ATRX: variants seen among roughly 807,000 people sequenced by gnomAD.
ATRX encodes the protein chromatin remodeler ATRX.
A neutral mutation model predicts 172.6 loss-of-function variants in ATRX; 12 were observed. That is an observed-to-expected ratio of 0.07 (90% CI 0.04 to 0.11). The LOEUF (loss-of-function observed/expected upper bound fraction) is 0.11. ATRX is among the 10% of genes least tolerant of loss of function. The pLI, the probability that ATRX is intolerant of heterozygous loss-of-function variation, is 1.00. For missense variants in ATRX, 1,368 were observed against 1,767.4 expected (o/e 0.77, Z 4.05); for synonymous variants, 674 against 594.7 (o/e 1.13, Z -1.94).
intron 26 of ATRX, among the ~76,000 whole-genome samples, chrX:77,593,392 C>T (rs782607570): frequency 9.0e-6 from 1 of 111,034 alleles, no homozygotes; most frequent in Non-Finnish European, 1.9e-5. Context: ...ACTACATAAA[C>T]CGAAAAATGA....
intron 1 of ATRX, among the ~76,000 whole-genome samples, chrX:77,722,156 C>A (rs946757350): frequency 9.0e-6 from 1 of 111,402 alleles, no homozygotes; most frequent in East Asian, 2.8e-4. Flanking sequence ...CTTCCTTACA[C>A]ATTATATAAA....
At chrX:77,713,356 G>A (rs782814994) in intron 2 of ATRX, among the ~76,000 whole-genome samples, 1 of 110,988 alleles carries the variant, frequency 9.0e-6, no homozygotes, top group Non-Finnish European at 1.9e-5. Flanking sequence ...CATCTTGGTG[G>A]CAATGAGCAC....
Position 77,643,332 on chromosome X carries a change from G to T in ATRX, c.4558-7276C>A, listed in dbSNP as rs552971128. Among the ~76,000 whole-genome samples the T allele has an allele frequency of 2.5e-4, 27 of 109,910 alleles. No homozygotes were observed. In the South Asian group the frequency reaches 9.6e-3, roughly 39 times the overall value. ...AGGCCTGGGGCAAGGCATTACAGGG[G>T]AACACTCCCAAAACACCACCTAAGG... On this transcript the variant is annotated intron_variant, in intron 15 of 34. Transcript: ENST00000373344.
chrX:77,665,962 A>T (rs186222671), intron 10 of ATRX, among the ~76,000 whole-genome samples: 69 of 111,696 alleles, frequency 6.2e-4, no homozygotes, highest in Non-Finnish European at 1.2e-3. Flanking sequence ...CATTTCAATG[A>T]AGAATTCATT....
intron 1 of ATRX, among the ~76,000 whole-genome samples, chrX:77,746,894 G>A (rs1333775916): frequency 3.6e-5 from 4 of 110,795 alleles, no homozygotes; most frequent in South Asian, 3.9e-4. Context: ...TCCACCTCCC[G>A]GGTTCAAGCA....
rs990635071 is a variant in ATRX at position 77,773,952 on chromosome X, G to C, written c.20+12030C>G. ...AAAAATGGAGAAGAGGCCGGGCGCA[G>C]TGGCTCACATCTGTAATCCCAGCAC... On this transcript the variant is annotated intron_variant, in intron 1 of 34. Coordinates refer to ENST00000373344, the MANE Select transcript of ATRX (RefSeq NM_000489.6). Among the ~76,000 whole-genome samples the C allele has an allele frequency of 1.2e-4, 13 of 111,226 alleles. No individual in the cohort carries two copies. The East Asian group carries it at 3.4e-3, about 29-fold the overall frequency.
chrX:77,634,997 C>T (rs937630296), intron 16 of ATRX, among the ~76,000 whole-genome samples: 1 of 111,897 alleles, frequency 8.9e-6, no homozygotes, highest in African/African-American at 3.2e-5. Flanking sequence ...AAAAGAGAAA[C>T]GTGGCCGGGC....
At chrX:77,627,969 T>C in intron 19 of ATRX, among the ~76,000 whole-genome samples, 1 of 111,462 alleles carries the variant, frequency 9.0e-6, no homozygotes. Flanking sequence ...CATATATATA[T>C]CAGATAGGAG....
chrX:77,523,470 C>T lies in ATRX; in HGVS notation c.6700-69G>A, dbSNP rs782423509. ...TGGACAGTATAATATCTCCATAGTT[C>T]TATGGTCAACTGTACTAGAAACTAA... On this transcript the variant is annotated intron_variant, in intron 30 of 34. Coordinates refer to ENST00000373344, the MANE Select transcript of ATRX (RefSeq NM_000489.6). 2.7e-5 allele frequency: 28 copies of T among 1,038,641 alleles called. No individual in the cohort carries two copies. In the Admixed American group the frequency reaches 3.2e-4, roughly 12 times the overall value. 85.6% of individuals were successfully genotyped at this position (1,038,641 alleles called of 1,213,427 possible). A position where few individuals can be genotyped will look rare whatever the true frequency, so the allele number is the denominator to read the frequency against.
At chrX:77,699,156 T>C (rs1474429513) in intron 2 of ATRX, among the ~76,000 whole-genome samples, 1 of 110,179 alleles carries the variant, frequency 9.1e-6, no homozygotes, top group Non-Finnish European at 1.9e-5. Flanking sequence ...TTTTTAGAGA[T>C]AGGGTCTCAC....
chrX:77,773,260 T>C (rs1310841427), intron 1 of ATRX, among the ~76,000 whole-genome samples: 1 of 110,638 alleles, frequency 9.0e-6, no homozygotes, highest in African/African-American at 3.3e-5. Flanking sequence ...TTTAGCTATA[T>C]GTTCAGAATA....
chrX:77,678,604 A>G (rs2071032282), intron 9 of ATRX, among the ~76,000 whole-genome samples: 2 of 111,422 alleles, frequency 1.8e-5, no homozygotes, highest in Admixed American at 1.9e-4. Flanking sequence ...CTCCTGCCTC[A>G]GCCTCCCAAG....
chrX:77,708,216 G>T (rs2072933132), intron 2 of ATRX, among the ~76,000 whole-genome samples: 1 of 111,842 alleles, frequency 8.9e-6, no homozygotes, highest in Admixed American at 9.5e-5. Context: ...AAACAAATAT[G>T]GTATACACAT....
chrX:77,621,004 T>C (rs1259921804), intron 19 of ATRX, among the ~76,000 whole-genome samples: 1 of 111,913 alleles, frequency 8.9e-6, no homozygotes, highest in African/African-American at 3.2e-5. Flanking sequence ...CAACAGACCA[T>C]ATAATACTTC....
At chrX:77,697,736 A>T in intron 3 of ATRX, 101 bp from the exon 4 acceptor site, 1 of 681,750 alleles carries the variant, frequency 1.5e-6, no homozygotes, top group South Asian at 3.0e-5. Flanking sequence ...TGATATAATG[A>T]GATGCTATTT....
chrX:77,669,884 G>A lies in ATRX; in HGVS notation c.3810-5106C>T, dbSNP rs782516115. Reference sequence around the variant, plus strand: ...CGGCTAATTTTTTCTTTTTAGTAGAGACAAGGTATCACTACGTTGCCCAGG... The same window carrying A: ...CGGCTAATTTTTTCTTTTTAGTAGAAACAAGGTATCACTACGTTGCCCAGG... On this transcript the variant is annotated intron_variant, in intron 10 of 34. Transcript: ENST00000373344. 7.9e-4 allele frequency among the ~76,000 whole-genome samples: 86 copies of A among 109,210 alleles called. 1 individual carries two copies. Among genetic ancestry groups the A allele is most frequent in the Middle Eastern group, 4.8e-3 (1 of 208 alleles). The allele number at this position is 109,210 out of a possible 115,157, so 94.8% of individuals were successfully genotyped here. A position where few individuals can be genotyped will look rare whatever the true frequency, so the allele number is the denominator to read the frequency against.
chrX:77,681,896 A>G lies in ATRX; in HGVS notation c.3360T>C (p.Asp1120=), dbSNP rs1255721681. 1.7e-6 allele frequency: 2 copies of G among 1,207,678 alleles called. No individual in the cohort carries two copies. ...SDTEKYSMKE[D]GCNSSDKRLK... The stretch of plus-strand genomic sequence containing the variant: ...GTCTCTTATCAGAAGAGTTACAACC[A>G]TCTTCTTTCATGGAATATTTCTCAG... Residue 1120 remains aspartate (D), a synonymous_variant, in exon 9 of 35, where the codon GAT becomes GAC. Coordinates refer to ENST00000373344, the MANE Select transcript of ATRX (RefSeq NM_000489.6).
At chrX:77,686,030 T>G (rs782029973) in intron 7 of ATRX, among the ~76,000 whole-genome samples, 8 of 111,297 alleles carry the variant, frequency 7.2e-5, no homozygotes, top group Non-Finnish European at 1.5e-4. Context: ...AAGGATGTCA[T>G]GAAGGACAGT....
chrX:77,519,269 A>C (rs2063151406), intron 34 of ATRX, among the ~76,000 whole-genome samples: 1 of 111,845 alleles, frequency 8.9e-6, no homozygotes, highest in Non-Finnish European at 1.9e-5. Context: ...GGGATTAATA[A>C]CCAGAATATA....
Sources: gnomAD v4.1 joint callset for allele counts (sites outside exome capture counted in the v4.1 genomes callset) on GRCh38, gnomAD v4.1.1 for gene constraint, MANE v1.5 for transcripts, NCBI Gene and HGNC (gene_info 2026-07-23, HGNC 2026-07-21) for gene names.